The following PHF21B variants were observed in gnomAD, a reference collection of about 807,000 sequenced individuals.
The protein encoded by PHF21B is PHD finger protein 21B, also known as PHD finger protein 4.
In PHF21B, 22 loss-of-function variants were observed where a neutral mutation model predicts 62.2. The observed-to-expected ratio is 0.35, with a 90% confidence interval of 0.25 to 0.51. PHF21B has a LOEUF of 0.51. Among genes scored for constraint, PHF21B ranks in the 20% least tolerant of loss-of-function variants. PHF21B has a pLI of 0.97. For missense variants in PHF21B, 701 were observed against 707.9 expected (o/e 0.99, Z 0.11); for synonymous variants, 341 against 314.7 (o/e 1.08, Z -0.88).
rs548288877 is a variant in PHF21B at position 44,888,146 on chromosome 22, A to ACAGGTCAGCCACAGC, written c.1039-40_1039-26dup. ...TCTGGAAGAGAAGGGAGGGCAGGAG[A>ACAGGTCAGCCACAGC]CAGGTCAGCCACAGCCAGGGCAGCG... On this transcript the variant is annotated intron_variant, in intron 9 of 12. Coordinates refer to ENST00000313237, the MANE Select transcript of PHF21B (RefSeq NM_138415.5). 2,202 of 1,495,794 alleles carry ACAGGTCAGCCACAGC rather than the reference A, an allele frequency of 1.5e-3. 35 individuals are homozygous for ACAGGTCAGCCACAGC. The East Asian group carries it at 0.038, about 26-fold the overall frequency. The allele number at this position is 1,495,794 out of a possible 1,614,324, so 92.7% of individuals were successfully genotyped here. A position where few individuals can be genotyped will look rare whatever the true frequency, so the allele number is the denominator to read the frequency against.
At chr22:44,990,128 C>T (rs910701564) in intron 2 of PHF21B, among the ~76,000 whole-genome samples, 10 of 152,184 alleles carry the variant, frequency 6.6e-5, no homozygotes, top group Non-Finnish European at 1.5e-4. Flanking sequence ...ACTCAAATTC[C>T]CTGGCAGGAT....
At chr22:44,905,778 G>A (rs1456373546) in intron 5 of PHF21B, among the ~76,000 whole-genome samples, 2 of 152,228 alleles carry the variant, frequency 1.3e-5, no homozygotes, top group African/African-American at 2.4e-5. Context: ...ACAGGCACCC[G>A]CCACCAGGCC....
chr22:44,918,915 G>C (rs946568648), intron 3 of PHF21B, among the ~76,000 whole-genome samples: 1 of 152,160 alleles, frequency 6.6e-6, no homozygotes, highest in Non-Finnish European at 1.5e-5. Flanking sequence ...GACAGGAGAA[G>C]TCCAACTCTA....
At chr22:44,986,644 A>G (rs2072955213) in intron 2 of PHF21B, among the ~76,000 whole-genome samples, 1 of 152,104 alleles carries the variant, frequency 6.6e-6, no homozygotes, top group African/African-American at 2.4e-5. Flanking sequence ...GAGACTGAAG[A>G]AAGGATTTGA....
chr22:44,952,740 T>C (rs2072218648), intron 2 of PHF21B, among the ~76,000 whole-genome samples: 2 of 152,252 alleles, frequency 1.3e-5, no homozygotes, highest in African/African-American at 4.8e-5. Flanking sequence ...CAAGATTCTA[T>C]CATTTTTGAA....
chr22:44,970,277 G>A (rs980120621), intron 2 of PHF21B, among the ~76,000 whole-genome samples: 2 of 152,268 alleles, frequency 1.3e-5, no homozygotes, highest in African/African-American at 4.8e-5. Flanking sequence ...CTGCACAGAA[G>A]GGCAGGGGGG....
intron 2 of PHF21B, among the ~76,000 whole-genome samples, chr22:44,979,937 C>T (rs1022694940): frequency 1.1e-4 from 17 of 151,610 alleles, no homozygotes; most frequent in African/African-American, 3.6e-4. Flanking sequence ...GGCATCATGG[C>T]GGGTGCCTGT....
intron 2 of PHF21B, among the ~76,000 whole-genome samples, chr22:44,950,575 G>T (rs80280978): frequency 6.5e-4 from 96 of 147,100 alleles, no homozygotes; most frequent in Middle Eastern, 3.6e-3. Flanking sequence ...TCGTGTTCGT[G>T]TTTTTTTTTT....
In PHF21B at chr22:44,881,630, G is replaced by C. The variant is rs145730351; in HGVS notation, c.*1456C>G. ...ACAGGAGGGACCGTGGCAGCTGCGG[G>C]ATTTGCCGGCCTCCTCGCTCTGCAC... On this transcript the variant is annotated 3_prime_UTR_variant, in exon 13 of 13. Transcript: ENST00000313237. The C allele has an allele frequency of 1.6e-4, 25 of 152,860 alleles. No homozygotes were observed. The highest frequency in any genetic ancestry group is 5.5e-4 in the African/African-American group (23 of 41,600). 9.5% of individuals were successfully genotyped at this position (152,860 alleles called of 1,614,324 possible). A position where few individuals can be genotyped will look rare whatever the true frequency, so the allele number is the denominator to read the frequency against.
chr22:45,007,146 C>T (rs1354747228), intron 2 of PHF21B, among the ~76,000 whole-genome samples: 1 of 149,972 alleles, frequency 6.7e-6, no homozygotes, highest in African/African-American at 2.5e-5. Flanking sequence ...GCGCATTTGT[C>T]CCAAGCCTTC....
intron 2 of PHF21B, among the ~76,000 whole-genome samples, chr22:44,966,843 C>T (rs1309552131): frequency 1.3e-5 from 2 of 152,182 alleles, no homozygotes; most frequent in Non-Finnish European, 2.9e-5. Flanking sequence ...AGTGCCCACA[C>T]TCGAGTTAGT....
At chr22:44,917,172 G>A (rs574401406) in intron 3 of PHF21B, among the ~76,000 whole-genome samples, 1 of 152,334 alleles carries the variant, frequency 6.6e-6, no homozygotes, top group South Asian at 2.1e-4. Flanking sequence ...TGTGCAGAGG[G>A]CAGCCGGGCA....
intron 5 of PHF21B, among the ~76,000 whole-genome samples, chr22:44,908,340 T>C (rs555531643): frequency 3.5e-4 from 53 of 152,140 alleles, no homozygotes; most frequent in South Asian, 8.3e-4. Flanking sequence ...CTGACCCATG[T>C]TGAGCATGGA....
intron 2 of PHF21B, chr22:45,002,152 ATAAC>A: frequency 6.6e-6 from 1 of 152,362 alleles, no homozygotes. Context: ...AGACAAAATA[ATAAC>A]TATTTCATAC....
chr22:44,943,021 G>A (rs1432713001), intron 2 of PHF21B, among the ~76,000 whole-genome samples: 1 of 145,560 alleles, frequency 6.9e-6, no homozygotes, highest in Non-Finnish European at 1.5e-5. Context: ...CCTCAGAAGG[G>A]CTGACCAAAG....
chr22:44,941,775 G>A (rs553742627), intron 2 of PHF21B, among the ~76,000 whole-genome samples: 43 of 152,290 alleles, frequency 2.8e-4, no homozygotes, highest in South Asian at 1.0e-3. Flanking sequence ...TGCTCATGGT[G>A]ACCAGCCAAG....
chr22:44,940,554 TGA>T (rs754120475), intron 2 of PHF21B, among the ~76,000 whole-genome samples: 16 of 152,338 alleles, frequency 1.1e-4, no homozygotes, highest in Middle Eastern at 3.4e-3. Context: ...GGAGGCCGCC[TGA>T]GAGGCTGCCT....
At chr22:44,904,242 T>C (rs1161677364) in intron 5 of PHF21B, among the ~76,000 whole-genome samples, 3 of 152,226 alleles carry the variant, frequency 2.0e-5, no homozygotes, top group African/African-American at 7.2e-5. Context: ...AACCAATTTA[T>C]TGTTTCCTAG....
chr22:44,994,968 G>A (rs996073195), intron 2 of PHF21B, among the ~76,000 whole-genome samples: 1 of 152,230 alleles, frequency 6.6e-6, no homozygotes, highest in Non-Finnish European at 1.5e-5. Context: ...CCGAGAGGCC[G>A]CCCACCGCCC....
Sources: gnomAD v4.1 joint callset for allele counts (sites outside exome capture counted in the v4.1 genomes callset) on GRCh38, gnomAD v4.1.1 for gene constraint, MANE v1.5 for transcripts, NCBI Gene and HGNC (gene_info 2026-07-23, HGNC 2026-07-21) for gene names.